The following UBLCP1 variants were observed in gnomAD, a reference collection of about 807,000 sequenced individuals.
UBLCP1 encodes ubiquitin like domain containing CTD phosphatase 1.
A neutral mutation model predicts 42.4 loss-of-function variants in UBLCP1; 28 were observed. The observed-to-expected ratio is 0.66, with a 90% CI of 0.49 to 0.90. The LOEUF is 0.90. Ranked by LOEUF, UBLCP1 falls within the 40% of genes least tolerant of loss-of-function variation. The pLI is 0.00. For missense variants in UBLCP1, 279 were observed against 374.5 expected, an observed-to-expected ratio of 0.75 and a Z score of 2.10; for synonymous variants, 122 against 120.8, an observed-to-expected ratio of 1.01 and a Z score of -0.07.
chr5:159,263,599 C>T (rs1223263584), intron 1 of UBLCP1, among the ~76,000 whole-genome samples: 5 of 152,180 alleles, frequency 3.3e-5, no homozygotes, highest in African/African-American at 1.2e-4. Flanking sequence ...GTTTTGCGTC[C>T]CCAAACTTCA....
Position 159,278,123 on chromosome 5 carries a change from CA to C in UBLCP1, c.685-114del, listed in dbSNP as rs778601981. On this transcript the variant is annotated intron_variant, in intron 8 of 10. Transcript: ENST00000296786. ...TAATGATTAGCTCACACCTGTCTTA[CA>C]GGGGGAAAGGAACACTTTGGCATTG... 10 of 677,022 alleles carry C rather than the reference CA, an allele frequency of 1.5e-5. No individual in the cohort carries two copies. The East Asian group carries it at 1.6e-4, about 11-fold the overall frequency. 41.9% of individuals were successfully genotyped at this position (677,022 alleles called of 1,614,324 possible).
In UBLCP1 at chr5:159,284,985, C is replaced by CTTT. The variant is rs1325935480; in HGVS notation, c.*56_*58dup. The CTTT allele has an allele frequency of 1.9e-6, 3 of 1,549,740 alleles. No homozygotes were observed. The East Asian group carries it at 6.7e-5, about 35-fold the overall frequency. ...ATACTTAAGATCCAAGAACTTCTTG[C>CTTT]TTTTATGCTAGAAATCATTATGATA... is the stretch of plus-strand genomic sequence containing the variant. On this transcript the variant is annotated 3_prime_UTR_variant, in exon 11 of 11. Transcript: ENST00000296786.
Position 159,272,101 on chromosome 5 carries a change from A to T in UBLCP1, c.527A>T (p.Asp176Val). The stretch of plus-strand genomic sequence containing the variant: ...GAATTTCTAACATCTGCCTATGAAG[A>T]TTATGACATTGTTATTTGGTGTAAG... ...LHEFLTSAYE[D>V]YDIVIWSATN... The change falls in exon 6 of 11, where the codon GAT (aspartate) becomes GTT (valine). Residue 176 changes from aspartate (D) to valine (V), a missense_variant. Physicochemically the swap from Asp to Val is radical, Grantham distance 152. Transcript: ENST00000296786. The T allele has an allele frequency of 6.2e-7, 1 of 1,613,074 alleles. No homozygotes were observed. Among genetic ancestry groups the T allele is most frequent in the Non-Finnish European group, 8.5e-7 (1 of 1,179,546 alleles).
At chr5:159,280,858 G>A (rs1424221971) in intron 9 of UBLCP1, among the ~76,000 whole-genome samples, 4 of 152,088 alleles carry the variant, frequency 2.6e-5, no homozygotes, top group Non-Finnish European at 4.4e-5. Context: ...GCAGTTTATC[G>A]GCTGAAAACT....
chr5:159,264,634 A>G (rs1159536879), intron 1 of UBLCP1, among the ~76,000 whole-genome samples: 2 of 152,168 alleles, frequency 1.3e-5, no homozygotes, highest in Non-Finnish European at 2.9e-5. Flanking sequence ...TTTAAGGCTG[A>G]AAACATTGAA....
chr5:159,280,763 T>C lies in UBLCP1; in HGVS notation c.801+2409T>C, dbSNP rs183726415. 2.4e-4 allele frequency among the ~76,000 whole-genome samples: 37 copies of C among 152,342 alleles called. 1 individual carries two copies. Among genetic ancestry groups the C allele is most frequent in the Admixed American group, 2.4e-3 (37 of 15,304 alleles). Reference sequence around the variant, plus strand: ...CTTCTATTAAACATAAGCTTGTCAGTCATAAGGTTTGAAGTACATGGAAGG... The same window carrying C: ...CTTCTATTAAACATAAGCTTGTCAGCCATAAGGTTTGAAGTACATGGAAGG... On this transcript the variant is annotated intron_variant, in intron 9 of 10. Coordinates refer to ENST00000296786, the MANE Select transcript of UBLCP1 (RefSeq NM_145049.5).
At chr5:159,277,631 ATTAT>A (rs1753554961) in intron 8 of UBLCP1, among the ~76,000 whole-genome samples, 1 of 152,204 alleles carries the variant, frequency 6.6e-6, no homozygotes, top group African/African-American at 2.4e-5. Flanking sequence ...TATATAAGAA[ATTAT>A]TTATTTGAAG....
At chr5:159,271,871 C>CT in intron 5 of UBLCP1, 152 bp from the exon 6 acceptor site, 2 of 506,826 alleles carry the variant, frequency 3.9e-6, no homozygotes, top group Non-Finnish European at 6.9e-6. Flanking sequence ...TGAAAGACAT[C>CT]TTTTTGTCAG....
intron 1 of UBLCP1, among the ~76,000 whole-genome samples, chr5:159,264,714 C>CA (rs1389081866): frequency 3.3e-5 from 5 of 152,198 alleles, no homozygotes; most frequent in Non-Finnish European, 5.9e-5. Flanking sequence ...TGTTAAAACA[C>CA]AGATTCCTAG....
At chr5:159,282,906 TAGG>T (rs916364188) in intron 9 of UBLCP1, among the ~76,000 whole-genome samples, 1 of 152,032 alleles carries the variant, frequency 6.6e-6, no homozygotes, top group African/African-American at 2.4e-5. Flanking sequence ...ACTAGAATGA[TAGG>T]AGGCGGGAAA....
chr5:159,270,382 C>G lies in UBLCP1; in HGVS notation c.269C>G (p.Pro90Arg). The part of the protein sequence containing the change: ...ESLEDVLGPP[P>R]DNDDVVNDFD... ...TAGGAAGATGTCTTAGGTCCACCCC[C>G]TGACAATGATGATGTTGTTAATGAC... The change falls in exon 4 of 11, where the codon CCT becomes CGT. Residue 90 changes from proline to arginine, a missense_variant. Coordinates refer to ENST00000296786, the MANE Select transcript of UBLCP1 (RefSeq NM_145049.5). 1.2e-6 allele frequency: 2 copies of G among 1,613,432 alleles called. No homozygotes were observed. Among genetic ancestry groups the G allele is most frequent in the Non-Finnish European group, 1.7e-6 (2 of 1,179,660 alleles).
rs533566789 is a variant in UBLCP1, at chr5:159,277,837, C to A, written c.685-401C>A. Among the ~76,000 whole-genome samples the A allele has an allele frequency of 6.6e-5, 10 of 151,972 alleles. 1 individual carries two copies. The South Asian group carries it at 2.1e-3, about 32-fold the overall frequency. On this transcript the variant is annotated intron_variant, in intron 8 of 10. Transcript: ENST00000296786. Reference sequence around the variant, plus strand: ...ACAGTTTTTTTTTGACTAGGGTGTTCTAGTTTTGAAAGCAGACTCCATGTG... The same window carrying A: ...ACAGTTTTTTTTTGACTAGGGTGTTATAGTTTTGAAAGCAGACTCCATGTG...
At chr5:159,266,835 T>C (rs1411002537) in intron 1 of UBLCP1, among the ~76,000 whole-genome samples, 1 of 152,120 alleles carries the variant, frequency 6.6e-6, no homozygotes, top group African/African-American at 2.4e-5. Context: ...GTAGCTTCCA[T>C]ATGGTGTTGA....
chr5:159,277,226 AAAATC>A (rs1026031442), intron 8 of UBLCP1, among the ~76,000 whole-genome samples: 2 of 152,114 alleles, frequency 1.3e-5, no homozygotes, highest in African/African-American at 4.8e-5. Context: ...GTAGCAAAAA[AAAATC>A]AGGAAAGTAA....
chr5:159,271,727 A>T (rs913119020), intron 5 of UBLCP1, among the ~76,000 whole-genome samples: 2 of 152,226 alleles, frequency 1.3e-5, no homozygotes, highest in Admixed American at 1.3e-4. Context: ...AAAAAATAAC[A>T]TCTAAACTTT....
intron 8 of UBLCP1, among the ~76,000 whole-genome samples, chr5:159,275,560 G>A (rs1162082587): frequency 1.3e-5 from 2 of 151,750 alleles, no homozygotes; most frequent in Non-Finnish European, 1.5e-5. Context: ...ACAGGCACCC[G>A]CCACCACGCC....
chr5:159,285,243 CA>C lies in UBLCP1; in HGVS notation c.*315del, dbSNP rs375590077. ...ACACACACACACACACACACACACA[CA>C]AAGTGGAGAAAAATGTATACTCAAC... On this transcript the variant is annotated 3_prime_UTR_variant, in exon 11 of 11. Transcript: ENST00000296786. The C allele has an allele frequency of 0.14, 22,729 of 168,058 alleles. 2,869 individuals are homozygous for C. Among genetic ancestry groups the C allele is most frequent in the Non-Finnish European group, 0.16 (14,725 of 90,436 alleles). 10.4% of individuals were successfully genotyped at this position (168,058 alleles called of 1,614,324 possible).
chr5:159,285,192 CCCA>C lies in UBLCP1; in HGVS notation c.*266_*268del. The C allele has an allele frequency of 2.6e-6, 1 of 389,828 alleles. No homozygotes were observed. Among genetic ancestry groups the C allele is most frequent in the South Asian group, 2.5e-5 (1 of 40,366 alleles). The allele number at this position is 389,828 out of a possible 1,614,324, so 24.1% of individuals were successfully genotyped here. On this transcript the variant is annotated 3_prime_UTR_variant, in exon 11 of 11. Transcript: ENST00000296786. ...CGTTGGTTACTGACCACCCCACCCTCCCACCACACACACACACACACACACACA... is the reference window on the plus strand; with the variant it reads ...CGTTGGTTACTGACCACCCCACCCTCCCACACACACACACACACACACACA...
chr5:159,278,203 T>A, intron 8 of UBLCP1, 35 bp from the exon 9 acceptor site: 1 of 1,433,704 alleles, frequency 7.0e-7, no homozygotes, highest in Non-Finnish European at 9.8e-7. Context: ...GAAATATTGA[T>A]AAAATTTGAG....
Sources: allele counts gnomAD v4.1 joint callset (sites outside exome capture counted in the v4.1 genomes callset), GRCh38; gene constraint gnomAD v4.1.1; transcripts MANE v1.5; gene names NCBI Gene and HGNC (gene_info 2026-07-23, HGNC 2026-07-21).